Variants in RIMBP2 observed in about 807,000 individuals in gnomAD.
RIMBP2 encodes RIMS-binding protein 2.
In RIMBP2, 48 loss-of-function variants were observed where a neutral mutation model predicts 118.6. That is an observed-to-expected ratio of 0.40 (90% CI 0.32 to 0.51). The LOEUF (loss-of-function observed/expected upper bound fraction) is 0.51. Among genes scored for constraint, RIMBP2 ranks in the 20% least tolerant of loss-of-function variants. RIMBP2 has a pLI of 0.41. For missense variants in RIMBP2, 1,551 were observed against 1,768.3 expected (o/e 0.88, Z 2.20); for synonymous variants, 762 against 742.9 (o/e 1.03, Z -0.42).
intron 1 of RIMBP2, among the ~76,000 whole-genome samples, chr12:130,639,325 G>T (rs1415178591): frequency 2.7e-5 from 4 of 150,262 alleles, no homozygotes; most frequent in Admixed American, 6.7e-5. Context: ...GGAGGTAGAA[G>T]TTGCATTGAG....
At chr12:130,537,690 C>T (rs557034242) in intron 2 of RIMBP2, among the ~76,000 whole-genome samples, 94 of 152,290 alleles carry the variant, frequency 6.2e-4, no homozygotes, top group African/African-American at 2.0e-3. Flanking sequence ...TGTACATATA[C>T]GGTACATCTC....
intron 2 of RIMBP2, among the ~76,000 whole-genome samples, chr12:130,557,151 C>T (rs889510309): frequency 1.3e-5 from 2 of 152,096 alleles, no homozygotes; most frequent in Non-Finnish European, 2.9e-5. Flanking sequence ...CACAGAGCTG[C>T]ACACGGGAAG....
intron 2 of RIMBP2, among the ~76,000 whole-genome samples, chr12:130,606,616 C>G (rs906591081): frequency 6.6e-6 from 1 of 152,148 alleles, no homozygotes; most frequent in African/African-American, 2.4e-5. Flanking sequence ...TGGCTTCCAT[C>G]CAAACCTTAT....
intron 2 of RIMBP2, among the ~76,000 whole-genome samples, chr12:130,596,108 C>T (rs150482562): frequency 5.3e-4 from 80 of 152,278 alleles, no homozygotes; most frequent in African/African-American, 1.8e-3. Flanking sequence ...CCATTTCAGA[C>T]CTTCCCTTTG....
rs573024688 is a variant in RIMBP2, at chr12:130,581,783, C to T, written c.-217+46539G>A. Among the ~76,000 whole-genome samples the T allele has an allele frequency of 2.6e-4, 40 of 152,312 alleles. No individual in the cohort carries two copies. The highest frequency in any genetic ancestry group is 5.6e-4 in the Non-Finnish European group (38 of 68,038). On this transcript the variant is annotated intron_variant, in intron 2 of 22. Transcript: ENST00000690449. This position sits in a 1 kb window ranked among gnomAD's most constrained non-coding sequence, Gnocchi z 4.4. ...GGTTTCTCCTGGTCTGTTCTTACTCCCCATTAGTAAGCTGTCAACATGGTG... is the reference window on the plus strand; with the variant it reads ...GGTTTCTCCTGGTCTGTTCTTACTCTCCATTAGTAAGCTGTCAACATGGTG...
chr12:130,606,175 A>C (rs2060172966), intron 2 of RIMBP2, among the ~76,000 whole-genome samples: 1 of 152,166 alleles, frequency 6.6e-6, no homozygotes, highest in East Asian at 1.9e-4. Flanking sequence ...ATATGGTAAA[A>C]AATAAAAAAT....
intron 2 of RIMBP2, among the ~76,000 whole-genome samples, chr12:130,548,570 GT>G (rs1237103813): frequency 1.3e-5 from 2 of 151,598 alleles, no homozygotes; most frequent in African/African-American, 4.8e-5. Context: ...GACTTTGTGG[GT>G]TTTTTTGCTT....
chr12:130,635,637 C>G (rs548140422), intron 1 of RIMBP2, among the ~76,000 whole-genome samples: 2 of 152,088 alleles, frequency 1.3e-5, no homozygotes, highest in Non-Finnish European at 2.9e-5. Flanking sequence ...AGAGCTGCAC[C>G]CCAAGACACT....
intron 2 of RIMBP2, among the ~76,000 whole-genome samples, chr12:130,602,807 T>C (rs914002129): frequency 6.6e-6 from 1 of 152,254 alleles, no homozygotes; most frequent in African/African-American, 2.4e-5. Flanking sequence ...GGTGTTCTTT[T>C]AGCATAAACA....
chr12:130,437,739 G>A (rs561241221), intron 12 of RIMBP2, among the ~76,000 whole-genome samples: 4 of 152,304 alleles, frequency 2.6e-5, no homozygotes, highest in South Asian at 2.1e-4. Context: ...GGGACTTCCC[G>A]CCTCAGAGCA....
intron 3 of RIMBP2, among the ~76,000 whole-genome samples, chr12:130,510,913 T>A (rs12424315): frequency 0.078 from 11,929 of 152,118 alleles, 609 homozygotes; most frequent in Admixed American, 0.17. Flanking sequence ...GGAGAGGGTG[T>A]GTGGACAAGG....
chr12:130,566,662 T>C lies in RIMBP2; in HGVS notation c.-216-48745A>G, dbSNP rs1171081146. Among the ~76,000 whole-genome samples, 3 of 152,230 alleles carry C rather than the reference T, an allele frequency of 2.0e-5. No homozygotes were observed. The East Asian group carries it at 5.8e-4, about 29-fold the overall frequency. ...CAGCTTCAGCTGAGCCTCCGGACTC[T>C]GCAGCCCCAGCCGACAGCTTGACTG... On this transcript the variant is annotated intron_variant, in intron 2 of 22. Coordinates refer to ENST00000690449, the MANE Select transcript of RIMBP2 (RefSeq NM_001393629.1).
chr12:130,531,890 C>T (rs1037728203), intron 2 of RIMBP2, among the ~76,000 whole-genome samples: 10 of 150,416 alleles, frequency 6.6e-5, no homozygotes, highest in Non-Finnish European at 1.5e-4. Context: ...TAATGAGATG[C>T]GTATGTTTAG....
intron 6 of RIMBP2, among the ~76,000 whole-genome samples, chr12:130,458,600 C>T (rs1185519823): frequency 3.3e-5 from 5 of 152,224 alleles, no homozygotes; most frequent in Non-Finnish European, 5.9e-5. Context: ...TGTGAGCCAA[C>T]GAACCCCCAG....
chr12:130,460,392 T>C (rs1266051082), intron 6 of RIMBP2, among the ~76,000 whole-genome samples: 1 of 152,196 alleles, frequency 6.6e-6, no homozygotes, highest in Non-Finnish European at 1.5e-5. Flanking sequence ...TCAGTAGTAC[T>C]GGTATTTTCA....
chr12:130,440,183 C>A (rs1028856885), intron 11 of RIMBP2, among the ~76,000 whole-genome samples: 1 of 121,534 alleles, frequency 8.2e-6, no homozygotes, highest in African/African-American at 3.3e-5. Flanking sequence ...CCACCGTCCC[C>A]GGGCATGGCT....
intron 12 of RIMBP2, 22 bp downstream of exon 12, chr12:130,438,343 C>CCCCCCCCCCCCCCCAAAAA: frequency 7.0e-7 from 1 of 1,431,040 alleles, no homozygotes. Flanking sequence ...AAACCCTCCC[C>CCCCCCCCCCCCCCCAAAAA]ACCCACCCAA....
At position 130,422,221 on chromosome 12, in the gene RIMBP2, G is replaced by T. The variant is rs998484567; in HGVS notation, c.3238+232C>A. On this transcript the variant is annotated intron_variant, in intron 17 of 22. Transcript: ENST00000690449. The surrounding 1 kb of genome is among the most constrained non-coding windows in gnomAD (Gnocchi z 5.2). ...GTGCTTACCCTGTGAAGCTCTCCAG[G>T]AAAAAATCAGCTGGGAGAACATGGA... is the stretch of plus-strand genomic sequence containing the variant. Among the ~76,000 whole-genome samples, 1 of 152,146 alleles carries T rather than the reference G, an allele frequency of 6.6e-6. No homozygotes were observed. Among genetic ancestry groups the T allele is most frequent in the Non-Finnish European group, 1.5e-5 (1 of 68,010 alleles).
intron 2 of RIMBP2, among the ~76,000 whole-genome samples, chr12:130,544,030 A>C (rs73155201): frequency 0.033 from 5,041 of 152,276 alleles, 116 homozygotes; most frequent in Non-Finnish European, 0.048. Flanking sequence ...TCTGGGAGAC[A>C]TTTTAATTAG....
Sources: gnomAD v4.1 joint callset for allele counts (sites outside exome capture counted in the v4.1 genomes callset) on GRCh38, gnomAD v4.1.1 for gene constraint, Gnocchi (gnomAD v3.1) non-coding constraint, MANE v1.5 for transcripts, NCBI Gene and HGNC (gene_info 2026-07-23, HGNC 2026-07-21) for gene names.